The following RERE variants were observed in gnomAD, a reference collection of about 807,000 sequenced individuals.
RERE encodes the protein arginine-glutamic acid dipeptide repeats, also known as arginine-glutamic acid dipeptide repeats protein.
In RERE, 40 loss-of-function variants were observed where a neutral mutation model predicts 146.1. The observed-to-expected ratio is 0.27, with a 90% CI of 0.21 to 0.36. The LOEUF (loss-of-function observed/expected upper bound fraction) is 0.36, where lower values mean the gene tolerates loss of function less well. Ranked by LOEUF, RERE falls within the 10% of genes least tolerant of loss-of-function variation. The pLI is 1.00. For synonymous variants in RERE, 1,003 were observed against 866.0 expected (o/e 1.16, Z -2.78); for missense variants, 1,933 against 2,138.7 (o/e 0.90, Z 1.90).
intron 12 of RERE, among the ~76,000 whole-genome samples, chr1:8,386,805 T>C (rs989673112): frequency 6.6e-6 from 1 of 152,060 alleles, no homozygotes; most frequent in Non-Finnish European, 1.5e-5. Context: ...AAATCTACTA[T>C]ATATTCTCTC....
At chr1:8,601,017 CT>C (rs34455445) in intron 4 of RERE, among the ~76,000 whole-genome samples, 62 of 95,064 alleles carry the variant, frequency 6.5e-4, no homozygotes, top group Admixed American at 8.4e-4. Flanking sequence ...GTCTCCCAAA[CT>C]TTTTTTTTTT....
At chr1:8,481,009 C>CA (rs1644826902) in intron 10 of RERE, among the ~76,000 whole-genome samples, 1 of 152,226 alleles carries the variant, frequency 6.6e-6, no homozygotes, top group African/African-American at 2.4e-5. Context: ...TCACATTCCT[C>CA]AGTCCCTGCT....
At chr1:8,757,090 C>CAAAAAAAAAAAAAAAAAAAAAA (rs34237128) in intron 1 of RERE, among the ~76,000 whole-genome samples, 1 of 59,496 alleles carries the variant, frequency 1.7e-5, no homozygotes, top group Non-Finnish European at 3.4e-5. Context: ...AACTCCATCT[C>CAAAAAAAAAAAAAAAAAAAAAA]AAAAAAAAAA....
At chr1:8,617,343 C>CAAAAAAAAAAAAAAAAAAAAAAAAAAAA (rs58933208) in intron 3 of RERE, among the ~76,000 whole-genome samples, 4 of 80,438 alleles carry the variant, frequency 5.0e-5, no homozygotes, top group African/African-American at 1.6e-4. Context: ...AACTCTGTCT[C>CAAAAAAAAAAAAAAAAAAAAAAAAAAAA]AAAAAAAAAA....
At chr1:8,559,467 A>G (rs554635446) in intron 4 of RERE, among the ~76,000 whole-genome samples, 46 of 152,084 alleles carry the variant, frequency 3.0e-4, no homozygotes, top group Non-Finnish European at 1.3e-4. Flanking sequence ...GTACTCTTTA[A>G]TATTTATGCA....
chr1:8,591,880 G>A (rs1646499287), intron 4 of RERE, among the ~76,000 whole-genome samples: 1 of 152,122 alleles, frequency 6.6e-6, no homozygotes, highest in Middle Eastern at 3.2e-3. Context: ...CTGAGGGAAA[G>A]AACTCAGATC....
intron 12 of RERE, among the ~76,000 whole-genome samples, chr1:8,412,622 G>A (rs1184537376): frequency 6.6e-6 from 1 of 152,192 alleles, no homozygotes; most frequent in South Asian, 2.1e-4. Context: ...ATTCTTGACT[G>A]GCTCAATAAA....
intron 11 of RERE, among the ~76,000 whole-genome samples, chr1:8,461,808 G>A (rs1223680519): frequency 6.6e-6 from 1 of 152,122 alleles, no homozygotes; most frequent in African/African-American, 2.4e-5. Flanking sequence ...CAAGAAGAAA[G>A]AGTTTAATGT....
At chr1:8,661,368 C>G (rs1439067947) in intron 1 of RERE, among the ~76,000 whole-genome samples, 1 of 152,084 alleles carries the variant, frequency 6.6e-6, no homozygotes, top group Non-Finnish European at 1.5e-5. Context: ...CCTGGCAGGC[C>G]TCATGGGCCA....
intron 1 of RERE, among the ~76,000 whole-genome samples, chr1:8,766,569 G>GAA (rs1216232729): frequency 1.4e-5 from 2 of 140,468 alleles, no homozygotes; most frequent in African/African-American, 5.3e-5. Flanking sequence ...AAAAAGAAAA[G>GAA]AAAAAAAAGA....
chr1:8,545,752 C>T (rs867065850), intron 6 of RERE, among the ~76,000 whole-genome samples: 1 of 147,096 alleles, frequency 6.8e-6, no homozygotes. Context: ...GGCGTGATCT[C>T]GACTCACTGC....
rs530841867 is a variant in RERE at position 8,648,113 on chromosome 1, A to T, written c.325+7860T>A. Among the ~76,000 whole-genome samples, 39 of 152,310 alleles carry T rather than the reference A, an allele frequency of 2.6e-4. No homozygotes were observed. In the South Asian group the frequency reaches 7.9e-3, roughly 31 times the overall value. ...GTTCTGTTCCCTGTACCCATAGGGC[A>T]ATCTCTCTCCTGACTTCAAACACCA... On this transcript the variant is annotated intron_variant, in intron 2 of 22. Coordinates refer to ENST00000400908, the MANE Select transcript of RERE (RefSeq NM_001042681.2).
intron 10 of RERE, among the ~76,000 whole-genome samples, chr1:8,468,297 C>T (rs1353720091): frequency 2.0e-5 from 3 of 152,150 alleles, no homozygotes; most frequent in Non-Finnish European, 4.4e-5. Context: ...ACCTAGGCTT[C>T]TTTCAGACGT....
intron 11 of RERE, chr1:8,465,512 C>T (rs1644583505): frequency 2.9e-6 from 1 of 346,802 alleles, no homozygotes; most frequent in African/African-American, 2.1e-5. Context: ...CACGGCAAAA[C>T]CCCCTTCTCT....
At chr1:8,719,925 G>A (rs1327591976) in intron 1 of RERE, among the ~76,000 whole-genome samples, 1 of 152,082 alleles carries the variant, frequency 6.6e-6, no homozygotes, top group Non-Finnish European at 1.5e-5. Flanking sequence ...CTCAGGGCAT[G>A]GAGCACGTTT....
chr1:8,664,685 C>G (rs991645678), intron 1 of RERE, among the ~76,000 whole-genome samples: 8 of 152,042 alleles, frequency 5.3e-5, no homozygotes, highest in Non-Finnish European at 7.4e-5. Context: ...CTCTTTAATC[C>G]CTACATCCCA....
At chr1:8,417,017 T>A (rs956663586) in intron 12 of RERE, among the ~76,000 whole-genome samples, 1 of 152,244 alleles carries the variant, frequency 6.6e-6, no homozygotes, top group Non-Finnish European at 1.5e-5. Context: ...AGAGATCTTC[T>A]AATGTACTGG....
chr1:8,413,029 A>G (rs905931268), intron 12 of RERE, among the ~76,000 whole-genome samples: 2 of 152,200 alleles, frequency 1.3e-5, no homozygotes, highest in Non-Finnish European at 2.9e-5. Context: ...TGTTCGTTTA[A>G]AAACAATGAA....
At chr1:8,658,197 A>C (rs573175147) in intron 1 of RERE, among the ~76,000 whole-genome samples, 89 of 152,202 alleles carry the variant, frequency 5.8e-4, no homozygotes, top group Non-Finnish European at 1.1e-3. Flanking sequence ...CCAATACCCT[A>C]TCTCACTTAT....
Sources: allele counts gnomAD v4.1 joint callset (sites outside exome capture counted in the v4.1 genomes callset), GRCh38; gene constraint gnomAD v4.1.1; transcripts MANE v1.5; gene names NCBI Gene and HGNC (gene_info 2026-07-23, HGNC 2026-07-21).